Variants in MARCHF1 observed in about 807,000 individuals in gnomAD.
MARCHF1 encodes the protein E3 ubiquitin-protein ligase MARCHF1.
Under a neutral mutation model 54.2 loss-of-function variants are expected in MARCHF1, and 40 were observed. That is an observed-to-expected ratio of 0.74 (90% CI 0.57 to 0.96). MARCHF1 has a LOEUF of 0.96. MARCHF1 is among the 40% of genes least tolerant of loss of function. MARCHF1 has a pLI of 0.00. For missense variants in MARCHF1, 586 were observed against 656.5 expected, an observed-to-expected ratio of 0.89 and a Z score of 1.17; for synonymous variants, 236 against 236.3, an observed-to-expected ratio of 1.00 and a Z score of 0.01.
chr4:164,242,047 G>A (rs1303621852), intron 1 of MARCHF1, among the ~76,000 whole-genome samples: 1 of 152,226 alleles, frequency 6.6e-6, no homozygotes, highest in African/African-American at 2.4e-5. Context: ...AGCGAGGCAG[G>A]GGGAGGGGCG....
In MARCHF1 at chr4:164,310,999, T is replaced by C. The variant is rs116396985; in HGVS notation, c.-323+72871A>G. 2.3e-3 allele frequency among the ~76,000 whole-genome samples: 347 copies of C among 152,290 alleles called. 2 individuals carry two copies. Among genetic ancestry groups the C allele is most frequent in the African/African-American group, 8.0e-3 (333 of 41,588 alleles). ...ACTAAAAACACTTTCCTTCTTATGA[T>C]GCTCTTAGAATTCATCGTAAAGAAT... On this transcript the variant is annotated intron_variant, in intron 1 of 9. Coordinates refer to ENST00000514618, the MANE Select transcript of MARCHF1 (RefSeq NM_001394959.1).
chr4:164,006,413 ACAGT>A lies in MARCHF1; in HGVS notation c.-247-17708_-247-17705del, dbSNP rs534449687. On this transcript the variant is annotated intron_variant, in intron 2 of 9. Transcript: ENST00000514618. Reference sequence around the variant, plus strand: ...TTGAAGACTAGCTATGTGAAAATACACAGTCAGAGGAGAAAAATGAAAAATAAAA... The same window carrying A: ...TTGAAGACTAGCTATGTGAAAATACACAGAGGAGAAAAATGAAAAATAAAA... Among the ~76,000 whole-genome samples the A allele has an allele frequency of 5.6e-3, 852 of 152,276 alleles. 6 individuals carry two copies. Among genetic ancestry groups the A allele is most frequent in the African/African-American group, 0.02 (817 of 41,564 alleles).
At chr4:163,686,672 C>G (rs1454020988) in intron 5 of MARCHF1, among the ~76,000 whole-genome samples, 1 of 151,760 alleles carries the variant, frequency 6.6e-6, no homozygotes, top group Non-Finnish European at 1.5e-5. Context: ...ATTCAATAAA[C>G]ATTAAACATT....
At chr4:164,312,811 G>C (rs1465435061) in intron 1 of MARCHF1, among the ~76,000 whole-genome samples, 2 of 152,106 alleles carry the variant, frequency 1.3e-5, no homozygotes, top group Non-Finnish European at 2.9e-5. Context: ...GCATGTTAAA[G>C]AGGAAGATGT....
intron 1 of MARCHF1, among the ~76,000 whole-genome samples, chr4:164,241,690 G>A (rs891962393): frequency 2.6e-5 from 4 of 152,178 alleles, no homozygotes; most frequent in East Asian, 1.9e-4. Flanking sequence ...GAAGACGGGT[G>A]ATTTCTGCAT....
At chr4:163,879,957 A>T (rs1750379105) in intron 3 of MARCHF1, among the ~76,000 whole-genome samples, 1 of 152,142 alleles carries the variant, frequency 6.6e-6, no homozygotes, top group African/African-American at 2.4e-5. Context: ...TACCTAAGGT[A>T]ACATCTAATT....
At chr4:163,656,836 A>C (rs1193419768) in intron 5 of MARCHF1, among the ~76,000 whole-genome samples, 2 of 151,844 alleles carry the variant, frequency 1.3e-5, no homozygotes, top group Non-Finnish European at 2.9e-5. Context: ...ATGTAGAAAA[A>C]GGCTTAGATA....
At position 163,528,758 on chromosome 4, in the gene MARCHF1, A is replaced by G; in HGVS notation, c.1628T>C (p.Val543Ala). 1 of 1,609,792 alleles carries G rather than the reference A, an allele frequency of 6.2e-7. No homozygotes were observed. Among genetic ancestry groups the G allele is most frequent in the South Asian group, 1.1e-5 (1 of 90,554 alleles). The stretch of plus-strand genomic sequence containing the variant: ...TCCCAACAGGTTCCATCAGACTGAT[A>G]CAACTTCAGGGGGGCCACCCTCTGC... ...PSAEGGPPEVVSV is the reference protein window; with the variant it reads ...PSAEGGPPEVASV The change falls in exon 10 of 10, where the codon GTA becomes GCA. Residue 543 changes from valine (V) to alanine (A), a missense_variant. Val to Ala is a moderately conservative substitution (Grantham distance 64). This residue lies in a region of MARCHF1 where 106 missense variants were observed against 93.8 expected (regional missense o/e 1.13). Transcript: ENST00000514618.
At chr4:163,883,521 G>A (rs757858940) in intron 3 of MARCHF1, among the ~76,000 whole-genome samples, 1 of 151,950 alleles carries the variant, frequency 6.6e-6, no homozygotes, top group Non-Finnish European at 1.5e-5. Flanking sequence ...ATCAGATATT[G>A]TACAATGTGT....
At chr4:163,872,972 A>G (rs1750204482) in intron 3 of MARCHF1, among the ~76,000 whole-genome samples, 1 of 152,058 alleles carries the variant, frequency 6.6e-6, no homozygotes, top group African/African-American at 2.4e-5. Flanking sequence ...TGAACCCTGG[A>G]GGCGGAGCTT....
chr4:163,825,008 T>A (rs1476359132), intron 4 of MARCHF1, among the ~76,000 whole-genome samples: 1 of 151,434 alleles, frequency 6.6e-6, no homozygotes, highest in Non-Finnish European at 1.5e-5. Flanking sequence ...CTGGAGAGGA[T>A]GTGGAGAAAT....
chr4:163,969,089 C>G (rs1353377337), intron 3 of MARCHF1, among the ~76,000 whole-genome samples: 1 of 152,122 alleles, frequency 6.6e-6, no homozygotes, highest in Non-Finnish European at 1.5e-5. Context: ...TGGACAGCAG[C>G]TCTCTAGAAT....
chr4:163,872,993 G>A (rs565262335), intron 3 of MARCHF1, among the ~76,000 whole-genome samples: 4 of 151,882 alleles, frequency 2.6e-5, no homozygotes, highest in African/African-American at 7.3e-5. Flanking sequence ...GCAGTGAGCC[G>A]AGATCGCGCC....
chr4:164,337,033 G>C (rs1211402695), intron 1 of MARCHF1, among the ~76,000 whole-genome samples: 2 of 151,942 alleles, frequency 1.3e-5, no homozygotes, highest in Non-Finnish European at 2.9e-5. Context: ...AGGAGGGTGA[G>C]AAGAGAAAGG....
intron 2 of MARCHF1, among the ~76,000 whole-genome samples, chr4:164,070,226 T>C (rs1335352540): frequency 1.3e-5 from 2 of 152,114 alleles, no homozygotes; most frequent in Non-Finnish European, 2.9e-5. Context: ...ACCCCCTATA[T>C]CTAAAATAAA....
At chr4:163,720,561 GAA>G (rs1427038034) in intron 4 of MARCHF1, among the ~76,000 whole-genome samples, 1 of 152,104 alleles carries the variant, frequency 6.6e-6, no homozygotes, top group African/African-American at 2.4e-5. Context: ...CCAATTCTGT[GAA>G]AAAAGTCATT....
chr4:164,068,051 A>G (rs1202317212), intron 2 of MARCHF1, among the ~76,000 whole-genome samples: 1 of 152,248 alleles, frequency 6.6e-6, no homozygotes, highest in Non-Finnish European at 1.5e-5. Flanking sequence ...AATGGTCATT[A>G]CTAAAAAGTA....
At chr4:164,041,651 T>C (rs1754131473) in intron 2 of MARCHF1, among the ~76,000 whole-genome samples, 2 of 152,190 alleles carry the variant, frequency 1.3e-5, no homozygotes, top group African/African-American at 2.4e-5. Flanking sequence ...TGTGTGGTTC[T>C]AGCACCAGTA....
intron 3 of MARCHF1, among the ~76,000 whole-genome samples, chr4:163,912,649 T>C (rs901139239): frequency 5.9e-5 from 9 of 152,202 alleles, no homozygotes; most frequent in Admixed American, 4.6e-4. Context: ...CCACATTGAT[T>C]ATTTAAGACA....
Sources: gnomAD v4.1 joint callset for allele counts (sites outside exome capture counted in the v4.1 genomes callset) on GRCh38, gnomAD v4.1.1 for gene constraint, gnomAD v4.1.1 regional missense constraint, MANE v1.5 for transcripts, NCBI Gene and HGNC (gene_info 2026-07-23, HGNC 2026-07-21) for gene names.